The following DGKH variants were observed in gnomAD, a reference collection of about 807,000 sequenced individuals.
DGKH encodes the protein DAG kinase eta.
In DGKH, 90 loss-of-function variants were observed where a neutral mutation model predicts 159.3. That is an observed-to-expected ratio of 0.57 (90% CI 0.48 to 0.67). DGKH has a LOEUF of 0.67. Among genes scored for constraint, DGKH ranks in the 30% least tolerant of loss-of-function variants. The pLI, the probability that DGKH is intolerant of heterozygous loss-of-function variation, is 0.00. For missense variants in DGKH, 1,181 were observed against 1,506.1 expected (o/e 0.78, Z 3.57); for synonymous variants, 536 against 553.8 (o/e 0.97, Z 0.45).
chr13:42,045,813 T>C (rs1002606101), upstream of DGKH, among the ~76,000 whole-genome samples: 6 of 152,244 alleles, frequency 3.9e-5, no homozygotes, highest in African/African-American at 1.2e-4. Flanking sequence ...CCATAGAATA[T>C]GTGAGATTTG....
chr13:42,152,569 T>G (rs1296810181), intron 3 of DGKH, among the ~76,000 whole-genome samples: 1 of 150,674 alleles, frequency 6.6e-6, no homozygotes, highest in Non-Finnish European at 1.5e-5. Flanking sequence ...CATGAAGCCT[T>G]TCTTGGTGAT....
chr13:42,190,659 TTAGA>T (rs1234481892), intron 16 of DGKH, 134 bp downstream of exon 16: 1 of 817,260 alleles, frequency 1.2e-6, no homozygotes, highest in African/African-American at 1.8e-5. Flanking sequence ...AAGTTAAAGC[TTAGA>T]TAAATATTCA....
chr13:42,194,601 T>G (rs1267830303), intron 16 of DGKH, among the ~76,000 whole-genome samples: 1 of 152,230 alleles, frequency 6.6e-6, no homozygotes, highest in East Asian at 1.9e-4. Context: ...AAAAGCTTCA[T>G]TTATCTTTAA....
In DGKH at chr13:42,050,962, G is replaced by T. The variant is rs554403377; in HGVS notation, c.192+1997G>T. Among the ~76,000 whole-genome samples, 7 of 152,342 alleles carry T rather than the reference G, an allele frequency of 4.6e-5. No homozygotes were observed. In the South Asian group the frequency reaches 1.5e-3, roughly 32 times the overall value. ...CAGGATTAACCAGTAGATTTATACT[G>T]TTCGAAAGAAAACTGAGAGATGGCT... On this transcript the variant is annotated intron_variant, in intron 1 of 29. Coordinates refer to ENST00000337343, the MANE Select transcript of DGKH (RefSeq NM_178009.5).
intron 16 of DGKH, among the ~76,000 whole-genome samples, chr13:42,192,401 T>G (rs1309599542): frequency 1.3e-5 from 2 of 152,126 alleles, no homozygotes; most frequent in African/African-American, 4.8e-5. Flanking sequence ...TTACAGTAAT[T>G]ATTAGGTTTT....
intron 13 of DGKH, among the ~76,000 whole-genome samples, chr13:42,182,847 A>G (rs1273241428): frequency 6.6e-6 from 1 of 151,312 alleles, no homozygotes; most frequent in East Asian, 1.9e-4. Flanking sequence ...GCCATATCCC[A>G]TTTCCCTTAG....
At chr13:42,143,380 C>T (rs934433989) in intron 3 of DGKH, among the ~76,000 whole-genome samples, 83 of 152,090 alleles carry the variant, frequency 5.5e-4, no homozygotes, top group Non-Finnish European at 1.0e-3. Flanking sequence ...CGTGTCTCTG[C>T]CAGGCTTTAG....
downstream of DGKH, among the ~76,000 whole-genome samples, chr13:42,245,108 T>C (rs1436609564): frequency 6.6e-6 from 1 of 152,044 alleles, no homozygotes; most frequent in African/African-American, 2.4e-5. Context: ...TTCAGATATC[T>C]GAGGGACTGT....
intron 9 of DGKH, among the ~76,000 whole-genome samples, chr13:42,167,542 C>G (rs192664529): frequency 2.0e-5 from 3 of 152,106 alleles, no homozygotes; most frequent in African/African-American, 7.2e-5. Context: ...GCTTCCATTG[C>G]CTTTATCTTG....
intron 3 of DGKH, among the ~76,000 whole-genome samples, chr13:42,143,082 A>AT (rs1955613616): frequency 6.7e-6 from 1 of 148,698 alleles, no homozygotes; most frequent in African/African-American, 2.5e-5. Context: ...TCAATACCTA[A>AT]TTTTTTTGAG....
intron 2 of DGKH, among the ~76,000 whole-genome samples, 188 bp from the exon 3 acceptor site, chr13:42,129,364 G>A (rs185524758): frequency 2.8e-4 from 42 of 152,256 alleles, no homozygotes; most frequent in African/African-American, 9.6e-4. Context: ...CTTTTCAGTT[G>A]GGGATTTATG....
chr13:42,256,275 A>G (rs998397731), intron 30 of DGKH: 2 of 1,591,528 alleles, frequency 1.3e-6, no homozygotes, highest in Admixed American at 3.3e-5. Context: ...CTGCTGGCGG[A>G]TGCTTCAGTT....
chr13:42,124,174 A>C (rs635852), intron 1 of DGKH, among the ~76,000 whole-genome samples: 102,248 of 151,912 alleles, frequency 0.67, 35,147 homozygotes, highest in African/African-American at 0.81. Context: ...TATACAAAAT[A>C]ATTAGATGAT....
At chr13:42,077,846 G>A (rs1954128930) in intron 1 of DGKH, among the ~76,000 whole-genome samples, 1 of 152,188 alleles carries the variant, frequency 6.6e-6, no homozygotes, top group African/African-American at 2.4e-5. Flanking sequence ...AGGGTAGTTT[G>A]GGGTTATTTC....
intron 3 of DGKH, among the ~76,000 whole-genome samples, chr13:42,133,809 A>G (rs940410881): frequency 6.6e-6 from 1 of 152,218 alleles, no homozygotes; most frequent in Non-Finnish European, 1.5e-5. Flanking sequence ...ATTTGGTAGA[A>G]CTTTCCAGGG....
chr13:42,173,479 C>G (rs987093440), intron 11 of DGKH, among the ~76,000 whole-genome samples: 5 of 152,004 alleles, frequency 3.3e-5, no homozygotes, highest in African/African-American at 9.7e-5. Context: ...ATATTTTCCC[C>G]CTACTCTCAT....
chr13:42,256,323 A>G, exon 31 of DGKH: 5 of 1,592,982 alleles, frequency 3.1e-6, no homozygotes, highest in South Asian at 1.1e-5. Flanking sequence ...ATCCAGGCCA[A>G]TACAGAAAGG....
At chr13:42,049,090 G>T (rs1881033770) in intron 1 of DGKH, 125 bp downstream of exon 1, 1 of 1,045,174 alleles carries the variant, frequency 9.6e-7, no homozygotes, top group Non-Finnish European at 1.2e-6. Flanking sequence ...GGGAAGGCGG[G>T]GAAGGCGGGG....
intron 20 of DGKH, among the ~76,000 whole-genome samples, chr13:42,203,562 A>G (rs922368477): frequency 6.6e-5 from 10 of 152,204 alleles, no homozygotes; most frequent in African/African-American, 1.7e-4. Flanking sequence ...TCTTCCCTCC[A>G]TATCAGATTG....
Sources: allele counts gnomAD v4.1 joint callset (sites outside exome capture counted in the v4.1 genomes callset), GRCh38; gene constraint gnomAD v4.1.1; transcripts MANE v1.5; gene names NCBI Gene and HGNC (gene_info 2026-07-23, HGNC 2026-07-21).